The following SLC66A2 variants were observed in gnomAD, a reference collection of about 807,000 sequenced individuals.
The protein encoded by SLC66A2 is solute carrier family 66 member 2, also known as PQ loop repeat containing 1.
Under a neutral mutation model 25.5 loss-of-function variants are expected in SLC66A2, and 23 were observed. The observed-to-expected ratio is 0.90, with a 90% confidence interval of 0.65 to 1.28. SLC66A2 has a LOEUF of 1.28. Ranked by LOEUF, SLC66A2 falls within the 50% of genes most tolerant of loss-of-function variation. SLC66A2 has a pLI of 0.00. For missense variants in SLC66A2, 396 were observed against 373.1 expected (o/e 1.06, Z -0.51); for synonymous variants, 193 against 166.5 (o/e 1.16, Z -1.23).
At chr18:79,923,270 C>A in intron 4 of SLC66A2, among the ~76,000 whole-genome samples, 1 of 113,056 alleles carries the variant, frequency 8.8e-6, no homozygotes, top group African/African-American at 3.5e-5. Context: ...GACGGGGGGC[C>A]ATGGACAGGC....
rs1241191076 is a variant in SLC66A2, at chr18:79,904,609, G to A, written c.609-426C>T. 6.6e-6 allele frequency among the ~76,000 whole-genome samples: 1 copy of A among 152,090 alleles called. No homozygotes were observed. Among genetic ancestry groups the A allele is most frequent in the Non-Finnish European group, 1.5e-5 (1 of 68,006 alleles). On this transcript the variant is annotated intron_variant, in intron 5 of 5. Transcript: ENST00000397778. This position sits in a 1 kb window ranked among gnomAD's most constrained non-coding sequence, Gnocchi z 6.3. The stretch of plus-strand genomic sequence containing the variant: ...CGCGGTGGCAATTCTGGGAGGGGCC[G>A]GGCCTGGGAGGGTGCTGAGGACGCA...
At chr18:79,905,928 T>A (rs963318882) in intron 5 of SLC66A2, among the ~76,000 whole-genome samples, 2 of 152,252 alleles carry the variant, frequency 1.3e-5, no homozygotes, top group South Asian at 4.1e-4. Context: ...AAGAGCCTTT[T>A]CAGACTTTAG....
intron 4 of SLC66A2, among the ~76,000 whole-genome samples, chr18:79,932,935 T>A (rs1452604412): frequency 6.6e-6 from 1 of 152,194 alleles, no homozygotes; most frequent in Non-Finnish European, 1.5e-5. Context: ...GAGGGGAACA[T>A]TTCCCAACTT....
chr18:79,914,889 G>A (rs902964515), intron 5 of SLC66A2, among the ~76,000 whole-genome samples: 5 of 152,254 alleles, frequency 3.3e-5, no homozygotes, highest in African/African-American at 9.6e-5. Context: ...AGGCTGCCAG[G>A]TGGCGTCTCA....
At chr18:79,946,616 G>A (rs915524521) in intron 2 of SLC66A2, among the ~76,000 whole-genome samples, 1 of 152,176 alleles carries the variant, frequency 6.6e-6, no homozygotes, top group South Asian at 2.1e-4. Context: ...TATAGAGGGT[G>A]CCCCATAACT....
chr18:79,935,071 C>T (rs1986943653), intron 3 of SLC66A2, among the ~76,000 whole-genome samples: 1 of 141,452 alleles, frequency 7.1e-6, no homozygotes, highest in African/African-American at 2.5e-5. Flanking sequence ...CTCTCTGTTG[C>T]TTTGATTTAG....
Position 79,950,811 on chromosome 18 carries a change from T to C in SLC66A2, c.116A>G (p.Asp39Gly), listed in dbSNP as rs770022926. 2.5e-6 allele frequency: 4 copies of C among 1,613,012 alleles called. No individual in the cohort carries two copies. Among genetic ancestry groups the C allele is most frequent in the East Asian group, 2.2e-5 (1 of 44,878 alleles). ...GTCGGCGTTCTGCGTCCTGCGAATG[T>C]CCCGATACTGCGGGACGTAGGGCAC... is the stretch of plus-strand genomic sequence containing the variant. ...GVVPYVPQYR[D>G]IRRTQNADGF... The change falls in exon 2 of 6, where the codon GAC (aspartate) becomes GGC (glycine). Residue 39 changes from aspartate (D) to glycine (G), a missense_variant. Physicochemically the swap from Asp to Gly is moderately conservative, Grantham distance 94 (BLOSUM62 -1). Transcript: ENST00000397778.
intron 3 of SLC66A2, among the ~76,000 whole-genome samples, chr18:79,938,581 C>T (rs1260323999): frequency 6.6e-6 from 1 of 152,126 alleles, no homozygotes; most frequent in African/African-American, 2.4e-5. Context: ...TTGTGAAAGG[C>T]GACTGTAGAA....
At chr18:79,907,335 TTTTTTTTTTTTTTGGTTG>T in intron 5 of SLC66A2, among the ~76,000 whole-genome samples, 1 of 39,420 alleles carries the variant, frequency 2.5e-5, no homozygotes, top group East Asian at 1.1e-3. Flanking sequence ...CTTTGTATAG[TTTTTTTTTTTTTTGGTTG>T]TTTTTTTTTT....
At chr18:79,931,526 A>C (rs1986567740) in intron 4 of SLC66A2, among the ~76,000 whole-genome samples, 2 of 152,268 alleles carry the variant, frequency 1.3e-5, no homozygotes. Context: ...AGAGAAAAAG[A>C]TAATTCAAAA....
At chr18:79,913,785 AG>A (rs762012564) in intron 5 of SLC66A2, among the ~76,000 whole-genome samples, 7 of 152,178 alleles carry the variant, frequency 4.6e-5, no homozygotes, top group Non-Finnish European at 8.8e-5. Flanking sequence ...TGTGGGTCCC[AG>A]GGAAGATTCC....
At chr18:79,913,610 C>G (rs1003264834) in intron 5 of SLC66A2, among the ~76,000 whole-genome samples, 1 of 152,210 alleles carries the variant, frequency 6.6e-6, no homozygotes, top group Non-Finnish European at 1.5e-5. Context: ...CATGCGCGCA[C>G]GCGCGCATGG....
At chr18:79,921,775 G>T (rs76052679) in intron 4 of SLC66A2, among the ~76,000 whole-genome samples, 2 of 87,830 alleles carry the variant, frequency 2.3e-5, no homozygotes, top group African/African-American at 7.6e-5. Flanking sequence ...AGGAACCGAG[G>T]GAGAGGTCAA....
At chr18:79,911,566 T>G (rs1025536379) in intron 5 of SLC66A2, among the ~76,000 whole-genome samples, 2 of 152,344 alleles carry the variant, frequency 1.3e-5, no homozygotes, top group East Asian at 3.9e-4. Flanking sequence ...CTCTGCAGCA[T>G]GGCAGCTGCA....
At chr18:79,949,075 C>T (rs1353223038) in intron 2 of SLC66A2, among the ~76,000 whole-genome samples, 2 of 152,138 alleles carry the variant, frequency 1.3e-5, no homozygotes, top group East Asian at 3.9e-4. Flanking sequence ...GGGACTCGGA[C>T]CCAAAATCCT....
Position 79,943,624 on chromosome 18 carries a change from C to G in SLC66A2, c.204-162G>C, listed in dbSNP as rs562497214. On this transcript the variant is annotated intron_variant, in intron 2 of 5. Transcript: ENST00000397778. ...AGAGACCCTGTGTCAGGCCCACCCA[C>G]ATCGCCTCTCCCAGTCCCGAACCTG... 2.0e-4 allele frequency: 157 copies of G among 782,242 alleles called. No individual in the cohort carries two copies. In the African/African-American group the frequency reaches 2.6e-3, roughly 13 times the overall value. 48.5% of individuals were successfully genotyped at this position (782,242 alleles called of 1,614,324 possible).
intron 4 of SLC66A2, among the ~76,000 whole-genome samples, chr18:79,926,396 T>C (rs1317164937): frequency 6.6e-6 from 1 of 152,144 alleles, no homozygotes; most frequent in Admixed American, 6.5e-5. Context: ...AGCTTCCTGT[T>C]GGGACTGGGA....
At position 79,917,231 on chromosome 18, in the gene SLC66A2, T is replaced by A. The variant is rs1447068056; in HGVS notation, c.608+1953A>T. The stretch of plus-strand genomic sequence containing the variant: ...CTCGGGTTTGAAGAGGATTCCCACG[T>A]CCCCCCAGCTGACGGGGCAGCCCCT... On this transcript the variant is annotated intron_variant, in intron 5 of 5. Transcript: ENST00000397778. The surrounding 1 kb of genome is among the most constrained non-coding windows in gnomAD (Gnocchi z 6.0). Among the ~76,000 whole-genome samples, 2 of 152,210 alleles carry A rather than the reference T, an allele frequency of 1.3e-5. No individual in the cohort carries two copies. The highest frequency in any genetic ancestry group is 2.1e-4 in the South Asian group (1 of 4,818).
rs1271214962 is a variant in SLC66A2, at chr18:79,941,616, G to A, written c.337+1713C>T. 6.6e-6 allele frequency: 1 copy of A among 152,218 alleles called. No homozygotes were observed. Among genetic ancestry groups the A allele is most frequent in the Non-Finnish European group, 1.5e-5 (1 of 68,062 alleles). 9.4% of individuals were successfully genotyped at this position (152,218 alleles called of 1,614,324 possible). On this transcript the variant is annotated intron_variant, in intron 3 of 5. Transcript: ENST00000397778. This position sits in a 1 kb window ranked among gnomAD's most constrained non-coding sequence, Gnocchi z 4.1. ...CCCTTCTTATCCAACGGTCCTCTGAGACAAGCCTGAACCTGCACCTGCTGG... is the reference window on the plus strand; with the variant it reads ...CCCTTCTTATCCAACGGTCCTCTGAAACAAGCCTGAACCTGCACCTGCTGG...
Sources: allele counts gnomAD v4.1 joint callset (sites outside exome capture counted in the v4.1 genomes callset), GRCh38; gene constraint gnomAD v4.1.1; non-coding constraint Gnocchi (gnomAD v3.1); transcripts MANE v1.5; gene names NCBI Gene and HGNC (gene_info 2026-07-23, HGNC 2026-07-21).